Variants in FAM83D observed in about 807,000 individuals in gnomAD.
FAM83D encodes the protein protein FAM83D.
FAM83D carries 26 observed loss-of-function variants against 25.4 expected under a neutral mutation model. The ratio of observed to expected loss-of-function variants is 1.02; its 90% confidence interval spans 0.75 to 1.42. FAM83D has a LOEUF of 1.42. Among genes scored for constraint, FAM83D ranks in the 40% most tolerant of loss-of-function variants. The probability of loss-of-function intolerance (pLI) is 0.00; values close to 1 mark genes in which losing one functional copy is unlikely to be tolerated. For synonymous variants in FAM83D, 310 were observed against 318.5 expected (o/e 0.97, Z 0.28); for missense variants, 740 against 758.1 (o/e 0.98, Z 0.28).
chr20:38,945,829 T>G (rs1220460987), intron 2 of FAM83D, among the ~76,000 whole-genome samples: 1 of 145,682 alleles, frequency 6.9e-6, no homozygotes, highest in Non-Finnish European at 1.5e-5. Context: ...TGGACTCAAT[T>G]GATCCTCTTG....
Position 38,942,009 on chromosome 20 carries a change from C to A in FAM83D, c.534C>A (p.Asp178Glu), listed in dbSNP as rs1045179335. The part of the protein sequence containing the change: ...DVFTDIDIFR[D>E]LQEICRKQGV... ...TCACAGACATCGACATCTTCAGAGACCTGCAAGAAATATGCAGGAAACAGG... is the reference window on the plus strand; with the variant it reads ...TCACAGACATCGACATCTTCAGAGAACTGCAAGAAATATGCAGGAAACAGG... Residue 178 changes from aspartate to glutamate, a missense_variant, in exon 2 of 4, where the codon GAC becomes GAA. Physicochemically the swap from Asp to Glu is conservative, Grantham distance 45 (BLOSUM62 2). Transcript: ENST00000619850. 6 of 1,614,070 alleles carry A rather than the reference C, an allele frequency of 3.7e-6. No homozygotes were observed. In the East Asian group the frequency reaches 8.9e-5, roughly 24 times the overall value.
In FAM83D at chr20:38,926,883, C is replaced by G. The variant is rs1174468489; in HGVS notation, c.441C>G (p.Gly147=). 6.7e-7 allele frequency: 1 copy of G among 1,497,304 alleles called. No individual in the cohort carries two copies. The highest frequency in any genetic ancestry group is 8.9e-7 in the Non-Finnish European group (1 of 1,127,350). The allele number at this position is 1,497,304 out of a possible 1,614,324, so 92.8% of individuals were successfully genotyped here. A position where few individuals can be genotyped will look rare whatever the true frequency, so the allele number is the denominator to read the frequency against. ...GCGCTGGCGAAGGTGGCCCCTACGG[C>G]TGCAAGGACGCTCTGCGCCAGCAGC... ...PRGAGEGGPY[G]CKDALRQQLR... The change falls in exon 1 of 4, where the codon GGC becomes GGG. Residue 147 remains glycine (G), a synonymous_variant. Coordinates refer to ENST00000619850, the MANE Select transcript of FAM83D (RefSeq NM_030919.3).
chr20:38,944,338 C>T (rs1320472640), intron 2 of FAM83D, among the ~76,000 whole-genome samples: 1 of 152,092 alleles, frequency 6.6e-6, no homozygotes, highest in Non-Finnish European at 1.5e-5. Context: ...AGCCATGTAA[C>T]CCAACAGGTG....
intron 3 of FAM83D, among the ~76,000 whole-genome samples, chr20:38,950,302 G>C (rs1207512898): frequency 6.6e-6 from 1 of 152,184 alleles, no homozygotes; most frequent in East Asian, 1.9e-4. Flanking sequence ...CTGCATCCAA[G>C]GGAATAGGAT....
chr20:38,949,964 G>A (rs1433659689), intron 3 of FAM83D, among the ~76,000 whole-genome samples: 1 of 152,060 alleles, frequency 6.6e-6, no homozygotes, highest in East Asian at 1.9e-4. Context: ...GACTACAGGC[G>A]CCCGCCACCA....
chr20:38,926,778 GT>G lies in FAM83D; in HGVS notation c.338del (p.Leu113TrpfsTer50), dbSNP rs2085637452. 2.6e-6 allele frequency: 4 copies of G among 1,547,924 alleles called. No individual in the cohort carries two copies. The highest frequency in any genetic ancestry group is 3.5e-6 in the Non-Finnish European group (4 of 1,152,844). ...PEQSDLEPPL[L>X]ELGWPAFYQG... ...AGCAGTCGGACCTGGAGCCACCGCT[GT>G]TGGAGCTTGGCTGGCCCGCCTTCTA... On this transcript the variant is annotated frameshift_variant, in exon 1 of 4. Transcript: ENST00000619850. LOFTEE classifies it high-confidence loss of function.
In FAM83D at chr20:38,942,061, C is replaced by A; in HGVS notation, c.586C>A (p.Gln196Lys). 1 of 1,614,180 alleles carries A rather than the reference C, an allele frequency of 6.2e-7. No individual in the cohort carries two copies. Among genetic ancestry groups the A allele is most frequent in the East Asian group, 2.2e-5 (1 of 44,888 alleles). Reference sequence around the variant, plus strand: ...AGTTGCTGTGTATATCCTTCTGGACCAGGCTCTCCTCTCTCAATTTCTGGA... The same window carrying A: ...AGTTGCTGTGTATATCCTTCTGGACAAGGCTCTCCTCTCTCAATTTCTGGA... The part of the protein sequence containing the change: ...QGVAVYILLD[Q>K]ALLSQFLDMC... The change falls in exon 2 of 4, where the codon CAG becomes AAG. Residue 196 changes from glutamine (Q) to lysine (K), a missense_variant. Physicochemically the swap from Gln to Lys is moderately conservative, Grantham distance 53. Around this residue, in one of 3 missense-constraint regions of FAM83D, gnomAD observed 333 missense variants for 298.6 expected, o/e 1.12. Coordinates refer to ENST00000619850, the MANE Select transcript of FAM83D (RefSeq NM_030919.3).
In FAM83D at chr20:38,952,329, T is replaced by C. The variant is rs1322759443; in HGVS notation, c.1567T>C (p.Ser523Pro). ...TPHLELYLSD[S>P]LRNLNKERQF... ...CCACCTGGAACTGTACTTGAGTGAC[T>C]CACTTAGAAACTTGAACAAAGAGCG... The change falls in exon 4 of 4, where the codon TCA (serine) becomes CCA (proline). Residue 523 changes from serine (S) to proline (P), a missense_variant. Around this residue, in one of 3 missense-constraint regions of FAM83D, gnomAD observed 375 missense variants for 403.2 expected, o/e 0.93. Transcript: ENST00000619850. 2 of 1,614,090 alleles carry C rather than the reference T, an allele frequency of 1.2e-6. No individual in the cohort carries two copies. The highest frequency in any genetic ancestry group is 8.5e-7 in the Non-Finnish European group (1 of 1,180,012).
Position 38,941,945 on chromosome 20 carries a change from T to A in FAM83D, c.484-14T>A. 4 of 1,613,356 alleles carry A rather than the reference T, an allele frequency of 2.5e-6. No individual in the cohort carries two copies. Among genetic ancestry groups the A allele is most frequent in the Non-Finnish European group, 3.4e-6 (4 of 1,179,934 alleles). On this transcript the variant is annotated splice_polypyrimidine_tract_variant and intron_variant, in intron 1 of 3. Transcript: ENST00000619850. ...TATAAGCTTATCATGTGCTCTTCCC[T>A]GTTTCACCTGTAGGTGATTGCAGTG...
At chr20:38,941,834 G>GA (rs2085703359) in intron 1 of FAM83D, 125 bp from the exon 2 acceptor site, 1 of 918,812 alleles carries the variant, frequency 1.1e-6, no homozygotes, top group African/African-American at 1.6e-5. Flanking sequence ...GCAGAAGGGG[G>GA]AGGGAAGGAT....
intron 3 of FAM83D, among the ~76,000 whole-genome samples, chr20:38,950,024 T>C (rs989669559): frequency 3.3e-5 from 5 of 152,166 alleles, no homozygotes; most frequent in Admixed American, 3.3e-4. Context: ...GGTTTCACTA[T>C]GTTAGCCGGG....
intron 1 of FAM83D, among the ~76,000 whole-genome samples, chr20:38,932,905 A>T (rs1433857816): frequency 6.6e-6 from 1 of 152,178 alleles, no homozygotes; most frequent in Non-Finnish European, 1.5e-5. Flanking sequence ...GAGCGTTAGT[A>T]GTGGGGATCA....
At chr20:38,943,978 C>A (rs2085714686) in intron 2 of FAM83D, among the ~76,000 whole-genome samples, 1 of 152,230 alleles carries the variant, frequency 6.6e-6, no homozygotes, top group African/African-American at 2.4e-5. Flanking sequence ...AGGCATAAGC[C>A]ACCATATCCG....
intron 3 of FAM83D, among the ~76,000 whole-genome samples, chr20:38,951,046 C>G (rs554964326): frequency 6.6e-6 from 1 of 152,298 alleles, no homozygotes; most frequent in East Asian, 1.9e-4. Context: ...TGGTCTTGAA[C>G]TCCTGACCTC....
chr20:38,926,903 A>G lies in FAM83D; in HGVS notation c.461A>G (p.Gln154Arg), dbSNP rs1555811503. The G allele has an allele frequency of 6.8e-7, 1 of 1,471,286 alleles. No individual in the cohort carries two copies. The highest frequency in any genetic ancestry group is 9.0e-7 in the Non-Finnish European group (1 of 1,116,204). 91.1% of individuals were successfully genotyped at this position (1,471,286 alleles called of 1,614,324 possible). The part of the protein sequence containing the change: ...GPYGCKDALR[Q>R]QLRSAREVIA... ...TACGGCTGCAAGGACGCTCTGCGCC[A>G]GCAGCTCCGCTCGGCGCGAGAGGTG... Residue 154 changes from glutamine (Q) to arginine (R), a missense_variant, in exon 1 of 4, where the codon CAG becomes CGG. Transcript: ENST00000619850.
intron 1 of FAM83D, among the ~76,000 whole-genome samples, chr20:38,929,343 G>A (rs534542060): frequency 1.3e-5 from 2 of 152,288 alleles, no homozygotes; most frequent in South Asian, 4.1e-4. Flanking sequence ...TGTGCTGATG[G>A]GAAACAGTGA....
intron 1 of FAM83D, among the ~76,000 whole-genome samples, chr20:38,938,606 T>G (rs1201666385): frequency 3.3e-5 from 5 of 152,346 alleles, no homozygotes; most frequent in African/African-American, 1.2e-4. Flanking sequence ...AAGGTTTTAC[T>G]GCCACCTCAA....
intron 1 of FAM83D, among the ~76,000 whole-genome samples, chr20:38,936,291 C>A (rs574861082): frequency 1.3e-5 from 2 of 152,210 alleles, no homozygotes; most frequent in Non-Finnish European, 2.9e-5. Flanking sequence ...CTGGTCAGAG[C>A]CTAGACCTGC....
At chr20:38,930,187 G>A (rs1436267963) in intron 1 of FAM83D, among the ~76,000 whole-genome samples, 1 of 141,380 alleles carries the variant, frequency 7.1e-6, no homozygotes, top group Non-Finnish European at 1.6e-5. Context: ...TAGGTCTCAG[G>A]CTGCTTTCAG....
Sources: gnomAD v4.1 joint callset for allele counts (sites outside exome capture counted in the v4.1 genomes callset) on GRCh38, gnomAD v4.1.1 for gene constraint, gnomAD v4.1.1 regional missense constraint, MANE v1.5 for transcripts, NCBI Gene and HGNC (gene_info 2026-07-23, HGNC 2026-07-21) for gene names.